WWC1: variants seen among roughly 807,000 people sequenced by gnomAD.
The protein encoded by WWC1 is protein KIBRA.
In WWC1, 55 loss-of-function variants were observed where a neutral mutation model predicts 138.4. The ratio of observed to expected loss-of-function variants is 0.40; its 90% CI spans 0.32 to 0.50. WWC1 has a LOEUF of 0.50. Ranked by LOEUF, WWC1 falls within the 20% of genes least tolerant of loss-of-function variation. WWC1 has a pLI of 0.72. For synonymous variants in WWC1, 524 were observed against 564.9 expected (o/e 0.93, Z 1.03); for missense variants, 1,226 against 1,420.4 (o/e 0.86, Z 2.20).
intron 17 of WWC1, among the ~76,000 whole-genome samples, chr5:168,446,579 A>C (rs893845882): frequency 9.9e-5 from 15 of 152,208 alleles, no homozygotes; most frequent in African/African-American, 3.6e-4. Context: ...TTCAGAAAGC[A>C]AAACTCCTCT....
chr5:168,314,993 A>G (rs1771450564), intron 1 of WWC1, among the ~76,000 whole-genome samples: 1 of 152,136 alleles, frequency 6.6e-6, no homozygotes, highest in African/African-American at 2.4e-5. Context: ...GTCTCAGAAG[A>G]CACTCAGTCC....
intron 9 of WWC1, chr5:168,414,942 G>T (rs542567342): frequency 2.7e-4 from 59 of 214,714 alleles, no homozygotes; most frequent in African/African-American, 1.3e-3. Context: ...ACTGTAACCT[G>T]ATCCAAGGTT....
At chr5:168,408,364 C>G (rs1208315858) in intron 6 of WWC1, 143 bp from the exon 7 acceptor site, 7 of 967,934 alleles carry the variant, frequency 7.2e-6, no homozygotes, top group Non-Finnish European at 1.1e-5. Context: ...TGCTAGCTCT[C>G]TATCACAGGA....
intron 1 of WWC1, among the ~76,000 whole-genome samples, chr5:168,356,510 C>T (rs775388566): frequency 2.0e-5 from 3 of 152,232 alleles, no homozygotes; most frequent in Non-Finnish European, 2.9e-5. Context: ...AATTCCCCGG[C>T]CCACACCCTG....
At chr5:168,422,254 G>C (rs1318537726) in intron 10 of WWC1, among the ~76,000 whole-genome samples, 157 bp downstream of exon 10, 1 of 152,214 alleles carries the variant, frequency 6.6e-6, no homozygotes, top group Non-Finnish European at 1.5e-5. Context: ...ACTCGGGCGT[G>C]GCCTGGTGTA....
chr5:168,422,944 G>A (rs539685262), intron 10 of WWC1, among the ~76,000 whole-genome samples: 194 of 152,132 alleles, frequency 1.3e-3, no homozygotes, highest in African/African-American at 4.6e-3. Flanking sequence ...TCAGGAGTTC[G>A]AGACTAGCCT....
intron 1 of WWC1, among the ~76,000 whole-genome samples, chr5:168,297,379 C>G (rs531549941): frequency 6.6e-6 from 1 of 152,280 alleles, no homozygotes; most frequent in Non-Finnish European, 1.5e-5. Context: ...ATAATCCCAG[C>G]ACTTTGGGAG....
chr5:168,460,482 C>T (rs190540288), intron 19 of WWC1, among the ~76,000 whole-genome samples, 168 bp from the exon 20 acceptor site: 2 of 152,282 alleles, frequency 1.3e-5, no homozygotes, highest in Admixed American at 6.5e-5. Context: ...ACATGCTTAA[C>T]GAATGTTCAC....
rs1050330849 is a variant in WWC1, at chr5:168,441,815, C to T, written c.2414C>T (p.Ala805Val). 2 of 1,613,762 alleles carry T rather than the reference C, an allele frequency of 1.2e-6. No homozygotes were observed. Among genetic ancestry groups the T allele is most frequent in the African/African-American group, 2.7e-5 (2 of 74,922 alleles). Residue 805 changes from alanine to valine, a missense_variant, in exon 16 of 23, where the codon GCC (alanine) becomes GTC (valine). By Grantham distance (64) the Ala-to-Val change is moderately conservative. This residue lies in a region of WWC1 where 1,016 missense variants were observed against 1,153.9 expected (regional missense o/e 0.88). Transcript: ENST00000265293. ...ELKPVGVMAP[A>V]SGPASTDAVS... ...AAGCCAGTGGGAGTCATGGCCCCTG[C>T]CTCAGGGCCTGCCAGCACGGTGAGC...
At chr5:168,308,563 C>G (rs961082344) in intron 1 of WWC1, among the ~76,000 whole-genome samples, 55 of 152,140 alleles carry the variant, frequency 3.6e-4, no homozygotes, top group Admixed American at 9.2e-4. Context: ...GAGGAGCTCT[C>G]AAGGCAGTGT....
At chr5:168,295,144 C>T (rs1054937207) in intron 1 of WWC1, among the ~76,000 whole-genome samples, 2 of 152,044 alleles carry the variant, frequency 1.3e-5, no homozygotes, top group African/African-American at 4.8e-5. Flanking sequence ...CCATTTTTGC[C>T]TTTTAGTTCT....
chr5:168,397,717 C>T lies in WWC1; in HGVS notation c.434-7C>T, dbSNP rs759635159. ...CTGATATTCTTGTTTTTCTTTTTTC[C>T]TTACAGTGGTCTCTGGTTCATCATC... On this transcript the variant is annotated splice_polypyrimidine_tract_variant and splice_region_variant and intron_variant, in intron 3 of 22. Transcript: ENST00000265293. 6 of 1,613,196 alleles carry T rather than the reference C, an allele frequency of 3.7e-6. No individual in the cohort carries two copies. The African/African-American group carries it at 5.4e-5, about 14-fold the overall frequency.
At chr5:168,389,444 C>T (rs1455106791) in intron 3 of WWC1, among the ~76,000 whole-genome samples, 24 of 142,944 alleles carry the variant, frequency 1.7e-4, no homozygotes, top group Non-Finnish European at 3.0e-4. Context: ...GAGCAAGACT[C>T]CATCTCAAAA....
At chr5:168,310,465 T>C (rs1052656069) in intron 1 of WWC1, among the ~76,000 whole-genome samples, 1 of 151,498 alleles carries the variant, frequency 6.6e-6, no homozygotes, top group Non-Finnish European at 1.5e-5. Context: ...TCCAAAGATA[T>C]AGAAATTGTA....
chr5:168,387,916 C>T (rs1778166804), intron 3 of WWC1, among the ~76,000 whole-genome samples: 1 of 152,154 alleles, frequency 6.6e-6, no homozygotes, highest in African/African-American at 2.4e-5. Flanking sequence ...ATTTCTCTCT[C>T]TCTCTCTCTA....
intron 1 of WWC1, among the ~76,000 whole-genome samples, chr5:168,327,093 C>A (rs1772628985): frequency 6.6e-6 from 1 of 152,160 alleles, no homozygotes; most frequent in Non-Finnish European, 1.5e-5. Flanking sequence ...CATTTTCCAG[C>A]AATCTCTTGT....
chr5:168,325,756 C>T (rs1187816275), intron 1 of WWC1, among the ~76,000 whole-genome samples: 1 of 152,172 alleles, frequency 6.6e-6, no homozygotes, highest in East Asian at 1.9e-4. Context: ...TCACCACCAT[C>T]CATCTCCAGA....
At chr5:168,414,759 T>G in intron 9 of WWC1, 169 bp downstream of exon 9, 1 of 1,069,318 alleles carries the variant, frequency 9.4e-7, no homozygotes. Flanking sequence ...GAAAGATGGT[T>G]TGCCATCCAG....
chr5:168,298,439 C>T (rs1769759557), intron 1 of WWC1, among the ~76,000 whole-genome samples: 1 of 152,150 alleles, frequency 6.6e-6, no homozygotes, highest in Non-Finnish European at 1.5e-5. Context: ...CCACTAATAC[C>T]TGTAGATGTA....
Sources: gnomAD v4.1 joint callset for allele counts (sites outside exome capture counted in the v4.1 genomes callset) on GRCh38, gnomAD v4.1.1 for gene constraint, gnomAD v4.1.1 regional missense constraint, MANE v1.5 for transcripts, NCBI Gene and HGNC (gene_info 2026-07-23, HGNC 2026-07-21) for gene names.